Variants in GABRG3 observed in about 807,000 individuals in gnomAD.
The protein encoded by GABRG3 is gamma-aminobutyric acid receptor subunit gamma-3.
A neutral mutation model predicts 48.8 loss-of-function variants in GABRG3; 25 were observed. The observed-to-expected ratio is 0.51, with a 90% confidence interval of 0.37 to 0.72. The LOEUF (loss-of-function observed/expected upper bound fraction) is 0.72. GABRG3 is among the 30% of genes least tolerant of loss of function. The pLI is 0.00. For synonymous variants in GABRG3, 227 were observed against 217.6 expected (o/e 1.04, Z -0.38); for missense variants, 394 against 577.9 (o/e 0.68, Z 3.26).
chr15:27,097,006 A>ATT lies in GABRG3; in HGVS notation c.270+70201_270+70202dup, dbSNP rs36057231. ...AAGGAACATGCCACCATACCCGGCTATTTTTTTTTTTTTTTTTGTATTTTT... is the reference window on the plus strand; with the variant it reads ...AAGGAACATGCCACCATACCCGGCTATTTTTTTTTTTTTTTTTTTGTATTTTT... On this transcript the variant is annotated intron_variant, in intron 3 of 9. Coordinates refer to ENST00000615808, the MANE Select transcript of GABRG3 (RefSeq NM_033223.5). Among the ~76,000 whole-genome samples, 472 of 131,694 alleles carry ATT rather than the reference A, an allele frequency of 3.6e-3. 3 individuals are homozygous for ATT. The highest frequency in any genetic ancestry group is 8.2e-3 in the African/African-American group (289 of 35,424). The allele number at this position is 131,694 out of a possible 152,430, so 86.4% of individuals were successfully genotyped here. A position where few individuals can be genotyped will look rare whatever the true frequency, so the allele number is the denominator to read the frequency against.
intron 3 of GABRG3, among the ~76,000 whole-genome samples, chr15:27,125,921 A>T (rs1198267261): frequency 1.3e-5 from 2 of 152,250 alleles, no homozygotes; most frequent in Non-Finnish European, 2.9e-5. Flanking sequence ...TCTTAATAGA[A>T]TGAGGGCAGA....
chr15:27,300,141 G>C (rs1220514312), intron 3 of GABRG3, among the ~76,000 whole-genome samples: 1 of 152,136 alleles, frequency 6.6e-6, no homozygotes, highest in African/African-American at 2.4e-5. Context: ...GTGTGAACCA[G>C]ATCAGTTAGT....
chr15:27,056,201 A>G (rs1161183462), intron 3 of GABRG3, among the ~76,000 whole-genome samples: 2 of 151,710 alleles, frequency 1.3e-5, no homozygotes, highest in Non-Finnish European at 2.9e-5. Context: ...ATGCAAAATA[A>G]TGAGCCAGGT....
At chr15:27,097,488 T>C (rs1897284563) in intron 3 of GABRG3, among the ~76,000 whole-genome samples, 1 of 152,136 alleles carries the variant, frequency 6.6e-6, no homozygotes, top group African/African-American at 2.4e-5. Context: ...CCTCCTTTAC[T>C]TCCTTTGTTT....
chr15:27,393,306 TGCACTCCAGCCTGGGTGACAGA>T, intron 5 of GABRG3, among the ~76,000 whole-genome samples: 1 of 145,588 alleles, frequency 6.9e-6, no homozygotes, highest in East Asian at 2.0e-4. Context: ...ATCACATCAC[TGCACTCCAGCCTGGGTGACAGA>T]GCGAGACTCC....
chr15:27,139,945 T>C (rs996160593), intron 3 of GABRG3, among the ~76,000 whole-genome samples: 6 of 152,246 alleles, frequency 3.9e-5, no homozygotes, highest in Admixed American at 3.3e-4. Flanking sequence ...TAGTGAAGTT[T>C]CCATAAAAAC....
intron 3 of GABRG3, among the ~76,000 whole-genome samples, chr15:27,126,802 G>T (rs1212694192): frequency 6.6e-6 from 1 of 152,170 alleles, no homozygotes; most frequent in East Asian, 1.9e-4. Context: ...AGGTGCTAGG[G>T]ATGGATGGCA....
intron 5 of GABRG3, among the ~76,000 whole-genome samples, chr15:27,403,940 A>C (rs983750037): frequency 1.6e-5 from 2 of 128,474 alleles, no homozygotes; most frequent in South Asian, 5.4e-4. Flanking sequence ...AAAAAAAAAA[A>C]ACCGGGCTTG....
chr15:27,520,810 T>C (rs1891142641), intron 7 of GABRG3, among the ~76,000 whole-genome samples: 1 of 151,370 alleles, frequency 6.6e-6, no homozygotes. Context: ...AAAAAAATCC[T>C]ATAGAAAAGA....
chr15:27,525,052 T>A (rs1343526796), intron 7 of GABRG3, among the ~76,000 whole-genome samples: 1 of 151,354 alleles, frequency 6.6e-6, no homozygotes, highest in African/African-American at 2.4e-5. Context: ...AACCAAAATA[T>A]CCCGCAACAA....
At chr15:27,499,348 C>A (rs1890564077) in intron 6 of GABRG3, among the ~76,000 whole-genome samples, 1 of 152,140 alleles carries the variant, frequency 6.6e-6, no homozygotes, top group Admixed American at 6.5e-5. Flanking sequence ...TGACGCCCTC[C>A]TGTCCATTCA....
At chr15:27,189,660 C>T (rs1322721675) in intron 3 of GABRG3, among the ~76,000 whole-genome samples, 4 of 152,208 alleles carry the variant, frequency 2.6e-5, no homozygotes, top group Non-Finnish European at 5.9e-5. Context: ...GATATACAGT[C>T]ATGTCGTCTG....
At chr15:27,338,393 T>C (rs1356976614) in intron 5 of GABRG3, among the ~76,000 whole-genome samples, 1 of 152,136 alleles carries the variant, frequency 6.6e-6, no homozygotes, top group African/African-American at 2.4e-5. Context: ...ACATACTTGC[T>C]ATGAGGAGAT....
intron 9 of GABRG3, 46 bp downstream of exon 9, chr15:27,528,038 A>G: frequency 7.4e-7 from 1 of 1,359,484 alleles, no homozygotes; most frequent in Non-Finnish European, 1.0e-6. Context: ...AACTTTCACT[A>G]AACTAAGATT....
chr15:27,495,207 G>T (rs552596844), intron 6 of GABRG3, among the ~76,000 whole-genome samples: 2 of 152,042 alleles, frequency 1.3e-5, no homozygotes, highest in African/African-American at 2.4e-5. Flanking sequence ...CATATAAGTG[G>T]CATCATACAG....
intron 6 of GABRG3, among the ~76,000 whole-genome samples, chr15:27,499,707 T>G (rs79448131): frequency 0.068 from 10,287 of 152,230 alleles, 1,178 homozygotes; most frequent in African/African-American, 0.23. Flanking sequence ...TGTCTACAAC[T>G]TCAGCACATT....
At chr15:27,432,723 G>C (rs1888493481) in intron 5 of GABRG3, among the ~76,000 whole-genome samples, 1 of 152,024 alleles carries the variant, frequency 6.6e-6, no homozygotes, top group Non-Finnish European at 1.5e-5. Flanking sequence ...GTTCCTTTTT[G>C]CTTAGCAGTT....
At chr15:27,271,458 C>T (rs1029598475) in intron 3 of GABRG3, 32 of 436,504 alleles carry the variant, frequency 7.3e-5, no homozygotes, top group Admixed American at 4.9e-4. Context: ...GCCTAGACCA[C>T]GCCCTCGGAG....
At chr15:27,215,828 C>T (rs776757535) in intron 3 of GABRG3, among the ~76,000 whole-genome samples, 1 of 152,128 alleles carries the variant, frequency 6.6e-6, no homozygotes, top group Non-Finnish European at 1.5e-5. Context: ...GGGATGGATT[C>T]GACTAAGCCA....
Sources: gnomAD v4.1 joint callset for allele counts (sites outside exome capture counted in the v4.1 genomes callset) on GRCh38, gnomAD v4.1.1 for gene constraint, MANE v1.5 for transcripts, NCBI Gene and HGNC (gene_info 2026-07-23, HGNC 2026-07-21) for gene names.